Variants in CHPF2 observed in about 807,000 individuals in gnomAD.
CHPF2 encodes chondroitin polymerizing factor 2, non-catalytic subunit.
In CHPF2, 58 loss-of-function variants were observed where a neutral mutation model predicts 63.0. The ratio of observed to expected loss-of-function variants is 0.92; its 90% CI spans 0.75 to 1.15. The LOEUF is 1.15. Ranked by LOEUF, CHPF2 falls within the 50% of genes most tolerant of loss-of-function variation. The pLI is 0.00. For synonymous variants in CHPF2, 442 were observed against 438.0 expected, an observed-to-expected ratio of 1.01 and a Z score of -0.11; for missense variants, 1,045 against 1,035.4, an observed-to-expected ratio of 1.01 and a Z score of -0.13.
At position 151,235,274 on chromosome 7, in the gene CHPF2, C is replaced by G; in HGVS notation, c.490C>G (p.Leu164Val). Residue 164 changes from leucine to valine, a missense_variant, in exon 2 of 4, where the codon CTG becomes GTG. Leu to Val is a conservative substitution (Grantham distance 32, BLOSUM62 1). Coordinates refer to ENST00000035307, the MANE Select transcript of CHPF2 (RefSeq NM_019015.3). ...GCCCGCCTGGCTCATGTCAGAGACCCTGCGCCACCTTCACACACACTTTGG... is the reference window on the plus strand; with the variant it reads ...GCCCGCCTGGCTCATGTCAGAGACCGTGCGCCACCTTCACACACACTTTGG... ...ERPAWLMSET[L>V]RHLHTHFGAD... is the part of the protein sequence containing the mutation. 3 of 1,613,762 alleles carry G rather than the reference C, an allele frequency of 1.9e-6. No individual in the cohort carries two copies. In the South Asian group the frequency reaches 3.3e-5, roughly 18 times the overall value.
chr7:151,238,704 A>AG lies in CHPF2; in HGVS notation c.*23_*24insG. 6.2e-7 allele frequency: 1 copy of AG among 1,605,248 alleles called. No homozygotes were observed. The highest frequency in any genetic ancestry group is 8.5e-7 in the Non-Finnish European group (1 of 1,176,514). On this transcript the variant is annotated 3_prime_UTR_variant, in exon 4 of 4. Transcript: ENST00000035307. Reference sequence around the variant, plus strand: ...TAGCCCGCCTGGGGGCCCTAACCTCATTACCTTTCCTTTGTCTGCCTCAGC... The same window carrying AG: ...TAGCCCGCCTGGGGGCCCTAACCTCAGTTACCTTTCCTTTGTCTGCCTCAGC...
rs1028521663 is a variant in CHPF2, at chr7:151,235,298, G to A, written c.514G>A (p.Gly172Arg). The A allele has an allele frequency of 4.3e-6, 7 of 1,613,882 alleles. No homozygotes were observed. The highest frequency in any genetic ancestry group is 3.4e-6 in the Non-Finnish European group (4 of 1,180,050). ...CCTGCGCCACCTTCACACACACTTT[G>A]GGGCCGACTACGACTGGTTCTTCAT... is the stretch of plus-strand genomic sequence containing the variant. ...ETLRHLHTHFGADYDWFFIMQ... is the reference protein window; with the variant it reads ...ETLRHLHTHFRADYDWFFIMQ... The change falls in exon 2 of 4, where the codon GGG becomes AGG. Residue 172 changes from glycine (G) to arginine (R), a missense_variant. Transcript: ENST00000035307.
Position 151,233,870 on chromosome 7 carries a change from A to G in CHPF2, c.-142A>G, listed in dbSNP as rs1802547218. ...CTTGGGGATGCTGGTCCTGGAAGCCAGCGGGCCTCGCTCTGTCTTTGGCCT... is the reference window on the plus strand; with the variant it reads ...CTTGGGGATGCTGGTCCTGGAAGCCGGCGGGCCTCGCTCTGTCTTTGGCCT... On this transcript the variant is annotated 5_prime_UTR_variant, in exon 1 of 4. Coordinates refer to ENST00000035307, the MANE Select transcript of CHPF2 (RefSeq NM_019015.3). 7.8e-7 allele frequency: 1 copy of G among 1,286,740 alleles called. No individual in the cohort carries two copies. Among genetic ancestry groups the G allele is most frequent in the Non-Finnish European group, 9.8e-7 (1 of 1,018,404 alleles). 79.7% of individuals were successfully genotyped at this position (1,286,740 alleles called of 1,614,324 possible). A position where few individuals can be genotyped will look rare whatever the true frequency, so the allele number is the denominator to read the frequency against.
At chr7:151,235,648 A>G in intron 2 of CHPF2, 36 bp downstream of exon 2, 1 of 1,548,904 alleles carries the variant, frequency 6.5e-7, no homozygotes, top group Non-Finnish European at 8.8e-7. Flanking sequence ...AGTCCCTGAT[A>G]AGCTAGTGGG....
Position 151,238,545 on chromosome 7 carries a change from T to C in CHPF2, c.2183T>C (p.Phe728Ser). ...RAVEPGLVQK[F>S]SLRDCSPRLS... ...GTAGAGCCAGGGCTGGTGCAGAAGT[T>C]CTCCCTGCGAGACTGCAGCCCACGG... Residue 728 changes from phenylalanine (F) to serine (S), a missense_variant, in exon 4 of 4, where the codon TTC becomes TCC. Coordinates refer to ENST00000035307, the MANE Select transcript of CHPF2 (RefSeq NM_019015.3). The C allele has an allele frequency of 6.2e-7, 1 of 1,611,674 alleles. No homozygotes were observed. The highest frequency in any genetic ancestry group is 1.1e-5 in the South Asian group (1 of 90,698).
Position 151,233,829 on chromosome 7 carries a change from A to C in CHPF2, c.-183A>C. ...TGAAGAGCAGGCAGAAGGAGTTGTG[A>C]AGACAGGACAATCTTCTTGGGGATG... On this transcript the variant is annotated 5_prime_UTR_variant, in exon 1 of 4. Transcript: ENST00000035307. The C allele has an allele frequency of 8.0e-7, 1 of 1,250,920 alleles. No homozygotes were observed. Among genetic ancestry groups the C allele is most frequent in the Non-Finnish European group, 1.0e-6 (1 of 998,978 alleles). 77.5% of individuals were successfully genotyped at this position (1,250,920 alleles called of 1,614,324 possible). A position where few individuals can be genotyped will look rare whatever the true frequency, so the allele number is the denominator to read the frequency against.
rs28774985 is a variant in CHPF2, at chr7:151,238,038, C to A, written c.1676C>A (p.Thr559Lys). The A allele has an allele frequency of 2.1e-4, 335 of 1,612,772 alleles. No homozygotes were observed. The East Asian group carries it at 6.5e-3, about 31-fold the overall frequency. The stretch of plus-strand genomic sequence containing the variant: ...GAGTTAGAGCGACGGTACCCTGGGA[C>A]GAGGCTGGCCTGGCTCGCTGTGCGA... ...AAELERRYPG[T>K]RLAWLAVRAE... The change falls in exon 4 of 4, where the codon ACG becomes AAG. Residue 559 changes from threonine (T) to lysine (K), a missense_variant. Thr to Lys is a moderately conservative substitution (Grantham distance 78). Coordinates refer to ENST00000035307, the MANE Select transcript of CHPF2 (RefSeq NM_019015.3).
At position 151,232,948 on chromosome 7, in the gene CHPF2, A is replaced by G. The variant is rs868361716; in HGVS notation, c.-1064A>G. The G allele has an allele frequency of 1.1e-5, 15 of 1,334,616 alleles. No individual in the cohort carries two copies. The African/African-American group carries it at 2.0e-4, about 18-fold the overall frequency. 82.7% of individuals were successfully genotyped at this position (1,334,616 alleles called of 1,614,324 possible). Reference sequence around the variant, plus strand: ...TTCTGTTTTGAGACGAACGGCGAAGACTCGCGTCGGGTCTTCGTTCTAGGG... The same window carrying G: ...TTCTGTTTTGAGACGAACGGCGAAGGCTCGCGTCGGGTCTTCGTTCTAGGG... On this transcript the variant is annotated 5_prime_UTR_variant, in exon 1 of 4. Transcript: ENST00000035307.
Position 151,232,787 on chromosome 7 carries a change from C to A in CHPF2, c.-1225C>A. ...TCGATGCTGTCTCTGGCGCGGCCTC[C>A]GCTCCCGCCGACTGGCCTGAGAACG... On this transcript the variant is annotated 5_prime_UTR_variant, in exon 1 of 4. Transcript: ENST00000035307. 6.6e-7 allele frequency: 1 copy of A among 1,503,940 alleles called. No homozygotes were observed. The highest frequency in any genetic ancestry group is 8.8e-7 in the Non-Finnish European group (1 of 1,132,926). 93.2% of individuals were successfully genotyped at this position (1,503,940 alleles called of 1,614,324 possible).
chr7:151,235,829 C>T (rs1310118844), intron 2 of CHPF2, among the ~76,000 whole-genome samples: 1 of 152,206 alleles, frequency 6.6e-6, no homozygotes, highest in African/African-American at 2.4e-5. Context: ...AAAGGGTGCT[C>T]CTACTCAGCA....
At chr7:151,236,837 C>T (rs1802667918) in intron 3 of CHPF2, 9 of 597,762 alleles carry the variant, frequency 1.5e-5, no homozygotes, top group Non-Finnish European at 2.5e-5. Context: ...AAGGGGTTTG[C>T]AAGTAGACTC....
Position 151,235,544 on chromosome 7 carries a change from C to T in CHPF2, c.760C>T (p.Arg254Cys), listed in dbSNP as rs748698890. The T allele has an allele frequency of 1.1e-5, 17 of 1,610,860 alleles. No homozygotes were observed. Among genetic ancestry groups the T allele is most frequent in the Middle Eastern group, 1.6e-4 (1 of 6,084 alleles). ...CTGCCGAGGAGACATTCTCAGTGCC[C>T]GTCCTGACGAGTGGCTTGGACGCTG... ...DGCRGDILSA[R>C]PDEWLGRCLI... Residue 254 changes from arginine (R) to cysteine (C), a missense_variant, in exon 2 of 4, where the codon CGT becomes TGT. Arg to Cys is a radical substitution (Grantham distance 180). Coordinates refer to ENST00000035307, the MANE Select transcript of CHPF2 (RefSeq NM_019015.3).
intron 3 of CHPF2, chr7:151,237,160 G>A (rs1802686611): frequency 1.6e-6 from 1 of 623,488 alleles, no homozygotes. Flanking sequence ...CCTTCTCATG[G>A]CATTTGTGTA....
Position 151,238,727 on chromosome 7 carries a change from A to T in CHPF2, c.*46A>T. 6.2e-7 allele frequency: 1 copy of T among 1,602,538 alleles called. No individual in the cohort carries two copies. The highest frequency in any genetic ancestry group is 8.5e-7 in the Non-Finnish European group (1 of 1,175,736). ...TCATTACCTTTCCTTTGTCTGCCTCAGCCCCAGGAAGGGCAAGGCAAGATG... is the reference window on the plus strand; with the variant it reads ...TCATTACCTTTCCTTTGTCTGCCTCTGCCCCAGGAAGGGCAAGGCAAGATG... On this transcript the variant is annotated 3_prime_UTR_variant, in exon 4 of 4. Transcript: ENST00000035307.
rs531849149 is a variant in CHPF2, at chr7:151,236,684, A to G, written c.1011+94A>G. Reference sequence around the variant, plus strand: ...GGCGTGCAATGAACGAGCAGCTGGCAGTGGGGCTGGGCTAGGCCCTGTATA... The same window carrying G: ...GGCGTGCAATGAACGAGCAGCTGGCGGTGGGGCTGGGCTAGGCCCTGTATA... On this transcript the variant is annotated intron_variant, in intron 3 of 3. Coordinates refer to ENST00000035307, the MANE Select transcript of CHPF2 (RefSeq NM_019015.3). 8 of 1,237,970 alleles carry G rather than the reference A, an allele frequency of 6.5e-6. No individual in the cohort carries two copies. In the East Asian group the frequency reaches 1.8e-4, roughly 28 times the overall value. 76.7% of individuals were successfully genotyped at this position (1,237,970 alleles called of 1,614,324 possible).
rs1188904647 is a variant in CHPF2 at position 151,235,224 on chromosome 7, A to C, written c.440A>C (p.Gln147Pro). 7 of 1,613,022 alleles carry C rather than the reference A, an allele frequency of 4.3e-6. No homozygotes were observed. Among genetic ancestry groups the C allele is most frequent in the Non-Finnish European group, 5.9e-6 (7 of 1,179,458 alleles). The change falls in exon 2 of 4, where the codon CAG becomes CCG. Residue 147 changes from glutamine (Q) to proline (P), a missense_variant. Gln to Pro is a moderately conservative substitution (Grantham distance 76). Coordinates refer to ENST00000035307, the MANE Select transcript of CHPF2 (RefSeq NM_019015.3). ...QRGARAPAGM[Q>P]VVSHGDERPA... ...GGGGCCCGGGCTCCAGCAGGGATGC[A>C]GGTGGTGTCTCATGGGGATGAGCGG...
chr7:151,233,311 G>A lies in CHPF2; in HGVS notation c.-701G>A. ...CTGAGTCACCGATCTACCTCATTCG[G>A]GTGGGCAGAACTTATGTGTGCCATG... On this transcript the variant is annotated 5_prime_UTR_variant, in exon 1 of 4. Coordinates refer to ENST00000035307, the MANE Select transcript of CHPF2 (RefSeq NM_019015.3). 3 of 987,178 alleles carry A rather than the reference G, an allele frequency of 3.0e-6. No individual in the cohort carries two copies. The highest frequency in any genetic ancestry group is 2.4e-6 in the Non-Finnish European group (2 of 831,094). 61.2% of individuals were successfully genotyped at this position (987,178 alleles called of 1,614,324 possible).
At chr7:151,236,943 TCTTTA>T (rs1563632399) in intron 3 of CHPF2, 5 of 524,638 alleles carry the variant, frequency 9.5e-6, no homozygotes, top group Non-Finnish European at 1.8e-5. Context: ...CTCTGAAGTT[TCTTTA>T]CTTCTAGAAC....
At chr7:151,235,975 C>T (rs1434578577) in intron 2 of CHPF2, among the ~76,000 whole-genome samples, 1 of 152,178 alleles carries the variant, frequency 6.6e-6, no homozygotes, top group Non-Finnish European at 1.5e-5. Flanking sequence ...AGAGAGCTGC[C>T]CTGTTTCTTG....
Sources: gnomAD v4.1 joint callset for allele counts (sites outside exome capture counted in the v4.1 genomes callset) on GRCh38, gnomAD v4.1.1 for gene constraint, MANE v1.5 for transcripts, NCBI Gene and HGNC (gene_info 2026-07-23, HGNC 2026-07-21) for gene names.